Variants in RUNDC3B observed in about 807,000 individuals in gnomAD.
RUNDC3B encodes the protein RUN domain-containing protein 3B.
A neutral mutation model predicts 58.4 loss-of-function variants in RUNDC3B; 33 were observed. The ratio of observed to expected loss-of-function variants is 0.56; its 90% CI spans 0.43 to 0.75. The LOEUF (loss-of-function observed/expected upper bound fraction) is 0.75. Ranked by LOEUF, RUNDC3B falls within the 30% of genes least tolerant of loss-of-function variation. RUNDC3B has a pLI of 0.00. For synonymous variants in RUNDC3B, 193 were observed against 195.2 expected, an observed-to-expected ratio of 0.99 and a Z score of 0.10; for missense variants, 501 against 535.7, an observed-to-expected ratio of 0.94 and a Z score of 0.64.
chr7:87,650,682 G>C (rs975788952), intron 1 of RUNDC3B, 140 bp from the exon 2 acceptor site: 15 of 615,224 alleles, frequency 2.4e-5, no homozygotes, highest in Admixed American at 5.8e-5. Flanking sequence ...GAGTAAATTT[G>C]AATAAATGGG....
At chr7:87,661,348 G>A (rs913888506) in intron 2 of RUNDC3B, among the ~76,000 whole-genome samples, 3 of 151,436 alleles carry the variant, frequency 2.0e-5, no homozygotes, top group Non-Finnish European at 2.9e-5. Context: ...TCAAATACTA[G>A]ATCTTATTAG....
chr7:87,817,159 A>T (rs1837093440), intron 10 of RUNDC3B, among the ~76,000 whole-genome samples: 1 of 152,188 alleles, frequency 6.6e-6, no homozygotes, highest in African/African-American at 2.4e-5. Context: ...TATAGCCATT[A>T]TCCTAGATTC....
chr7:87,795,786 G>A (rs894258357), intron 8 of RUNDC3B, among the ~76,000 whole-genome samples: 5 of 152,114 alleles, frequency 3.3e-5, no homozygotes, highest in Admixed American at 6.5e-5. Context: ...CTACTCGGGA[G>A]GCTGAGGTAG....
At chr7:87,684,854 T>G (rs1404285050) in intron 2 of RUNDC3B, among the ~76,000 whole-genome samples, 1 of 151,120 alleles carries the variant, frequency 6.6e-6, no homozygotes, top group Non-Finnish European at 1.5e-5. Context: ...GACAATTTCA[T>G]GGAAAAGTGA....
At chr7:87,812,851 G>A (rs1271451081) in intron 9 of RUNDC3B, among the ~76,000 whole-genome samples, 1 of 152,134 alleles carries the variant, frequency 6.6e-6, no homozygotes, top group Non-Finnish European at 1.5e-5. Context: ...CTAAGATAGG[G>A]CTTAGTTATG....
intron 1 of RUNDC3B, among the ~76,000 whole-genome samples, chr7:87,644,161 G>A (rs539245656): frequency 6.6e-6 from 1 of 152,198 alleles, no homozygotes. Flanking sequence ...GCCCAGACCT[G>A]CAAATTGTTG....
At chr7:87,629,081 T>A (rs986607987) in intron 1 of RUNDC3B, 136 bp downstream of exon 1, 1 of 848,484 alleles carries the variant, frequency 1.2e-6, no homozygotes, top group African/African-American at 1.8e-5. Flanking sequence ...CAGCCAAATC[T>A]GTGAGCGCGC....
chr7:87,742,575 AATAGATAG>A (rs3028187), intron 6 of RUNDC3B, among the ~76,000 whole-genome samples: 2,754 of 147,842 alleles, frequency 0.019, 54 homozygotes, highest in East Asian at 0.077. Context: ...ATCATAGATA[AATAGATAG>A]ATAGATAGAT....
intron 2 of RUNDC3B, 77 bp downstream of exon 2, chr7:87,651,014 T>A: frequency 3.7e-6 from 3 of 812,772 alleles, no homozygotes; most frequent in Non-Finnish European, 6.1e-6. Context: ...AATCATACAG[T>A]CTGTGTGACT....
rs1265308175 is a variant in RUNDC3B at position 87,736,871 on chromosome 7, ATATATATATATATATATATTT to A, written c.459-2918_459-2898del. Among the ~76,000 whole-genome samples the A allele has an allele frequency of 3.4e-4, 13 of 37,946 alleles. 1 individual carries two copies. The highest frequency in any genetic ancestry group is 2.0e-3 in the East Asian group (3 of 1,518). The allele number at this position is 37,946 out of a possible 152,430, so 24.9% of individuals were successfully genotyped here. A position where few individuals can be genotyped will look rare whatever the true frequency, so the allele number is the denominator to read the frequency against. On this transcript the variant is annotated intron_variant, in intron 4 of 10. Coordinates refer to ENST00000394654, the MANE Select transcript of RUNDC3B (RefSeq NM_001134405.2). ...TATATATACCTATATATATATATAT[ATATATATATATATATATATTT>A]TTTTTTTTTTTTTTTTTTTTTTTGA...
intron 2 of RUNDC3B, among the ~76,000 whole-genome samples, chr7:87,669,354 G>T (rs1036755021): frequency 6.6e-6 from 1 of 151,566 alleles, no homozygotes; most frequent in African/African-American, 2.4e-5. Flanking sequence ...TCTTTATTTT[G>T]AGCCTATGAG....
chr7:87,761,354 T>C (rs1243531697), intron 6 of RUNDC3B, among the ~76,000 whole-genome samples: 1 of 151,878 alleles, frequency 6.6e-6, no homozygotes, highest in Non-Finnish European at 1.5e-5. Context: ...TGTGGAGAAG[T>C]TGCATTTCTG....
chr7:87,783,195 G>GTA (rs1392684211), intron 8 of RUNDC3B, among the ~76,000 whole-genome samples: 1 of 151,658 alleles, frequency 6.6e-6, no homozygotes. Flanking sequence ...GTGTGTGTGT[G>GTA]TATATGACAG....
intron 6 of RUNDC3B, among the ~76,000 whole-genome samples, chr7:87,767,546 G>A (rs1834036677): frequency 6.6e-6 from 1 of 152,326 alleles, no homozygotes; most frequent in East Asian, 1.9e-4. Flanking sequence ...TCTTCTGCAA[G>A]GCTGAGAGTG....
chr7:87,666,726 C>A (rs911699598), intron 2 of RUNDC3B, among the ~76,000 whole-genome samples: 1 of 152,124 alleles, frequency 6.6e-6, no homozygotes, highest in East Asian at 1.9e-4. Context: ...GTTTTCCCAG[C>A]ACCATTTATT....
intron 1 of RUNDC3B, among the ~76,000 whole-genome samples, chr7:87,646,295 A>T (rs1233610556): frequency 1.3e-5 from 2 of 152,100 alleles, no homozygotes; most frequent in African/African-American, 2.4e-5. Context: ...TTTTCTTCCC[A>T]CTACATTTTA....
chr7:87,693,791 T>C (rs567558082), intron 2 of RUNDC3B: 1 of 886,804 alleles, frequency 1.1e-6, no homozygotes, highest in Admixed American at 2.4e-5. Context: ...AAAGTAGTGT[T>C]TACTGCTTCA....
chr7:87,697,420 A>C (rs1828586636), intron 2 of RUNDC3B, among the ~76,000 whole-genome samples: 1 of 152,218 alleles, frequency 6.6e-6, no homozygotes, highest in Admixed American at 6.5e-5. Flanking sequence ...GAAATTATAG[A>C]ATGATCCCAG....
chr7:87,718,534 C>T (rs370503914), intron 4 of RUNDC3B, among the ~76,000 whole-genome samples: 2 of 152,158 alleles, frequency 1.3e-5, no homozygotes, highest in East Asian at 1.9e-4. Context: ...TCAGGCCTTT[C>T]GAAGGATAGA....
Sources: gnomAD v4.1 joint callset for allele counts (sites outside exome capture counted in the v4.1 genomes callset) on GRCh38, gnomAD v4.1.1 for gene constraint, MANE v1.5 for transcripts, NCBI Gene and HGNC (gene_info 2026-07-23, HGNC 2026-07-21) for gene names.